Variants in MKLN1 observed in about 807,000 individuals in gnomAD.
MKLN1 encodes muskelin 1, also known as muskelin.
Under a neutral mutation model 99.0 loss-of-function variants are expected in MKLN1, and 18 were observed. The observed-to-expected ratio is 0.18, with a 90% CI of 0.13 to 0.27. The LOEUF (loss-of-function observed/expected upper bound fraction) is 0.27. MKLN1 is among the 10% of genes least tolerant of loss of function. The pLI, the probability that MKLN1 is intolerant of heterozygous loss-of-function variation, is 1.00. For synonymous variants in MKLN1, 288 were observed against 293.2 expected (o/e 0.98, Z 0.18); for missense variants, 621 against 875.9 (o/e 0.71, Z 3.67).
chr7:131,189,146 C>T (rs951782208), intron 2 of MKLN1, among the ~76,000 whole-genome samples: 1 of 152,158 alleles, frequency 6.6e-6, no homozygotes, highest in Non-Finnish European at 1.5e-5. Context: ...AGGCTCAACC[C>T]TAAACAGACC....
chr7:131,449,778 G>A (rs927713185), intron 12 of MKLN1, among the ~76,000 whole-genome samples: 4 of 151,900 alleles, frequency 2.6e-5, no homozygotes, highest in Non-Finnish European at 5.9e-5. Flanking sequence ...ATGCGGCTGG[G>A]ATTGAGAACC....
chr7:131,386,404 A>G (rs1404534585), intron 2 of MKLN1, among the ~76,000 whole-genome samples: 1 of 152,142 alleles, frequency 6.6e-6, no homozygotes, highest in Non-Finnish European at 1.5e-5. Context: ...CAGCAAGTTT[A>G]TTCTTAACCG....
rs1798957916 is a variant in MKLN1, at chr7:131,328,370, C to T, written c.98+373C>T. On this transcript the variant is annotated intron_variant, in intron 1 of 17. Coordinates refer to ENST00000352689, the MANE Select transcript of MKLN1 (RefSeq NM_013255.5). ...GGGCCCTGCCCGCGGGCAAACTACC[C>T]CGAATGTCTGAGGTCGTCCGAGGTG... The T allele has an allele frequency of 1.1e-5, 3 of 265,938 alleles. No individual in the cohort carries two copies. In the South Asian group the frequency reaches 1.6e-4, roughly 14 times the overall value. The allele number at this position is 265,938 out of a possible 1,614,324, so 16.5% of individuals were successfully genotyped here.
chr7:131,152,595 G>A lies in MKLN1; in HGVS notation c.-297+9654G>A, dbSNP rs1456314807. ...GCTCACTGCAACCTCCACCTCCTGG[G>A]GTCAAGCGATTCTCCTGCCTTAGCC... is the stretch of plus-strand genomic sequence containing the variant. On this transcript the variant is annotated intron_variant, in intron 2 of 7. Coordinates refer to the MKLN1 transcript ENST00000416992. Among the ~76,000 whole-genome samples, 3 of 151,206 alleles carry A rather than the reference G, an allele frequency of 2.0e-5. No homozygotes were observed. In the South Asian group the frequency reaches 6.3e-4, roughly 32 times the overall value.
intron 12 of MKLN1, among the ~76,000 whole-genome samples, chr7:131,449,653 T>G (rs1228506157): frequency 6.6e-6 from 1 of 152,116 alleles, no homozygotes; most frequent in Non-Finnish European, 1.5e-5. Flanking sequence ...TTTTTCTGTT[T>G]TTTTTTCCCC....
intron 1 of MKLN1, among the ~76,000 whole-genome samples, chr7:131,119,679 T>A (rs1037965522): frequency 6.6e-6 from 1 of 152,234 alleles, no homozygotes; most frequent in Non-Finnish European, 1.5e-5. Context: ...TCTTGCCTTC[T>A]GTGCACCCAC....
chr7:131,252,837 C>G (rs1240528028), intron 3 of MKLN1, among the ~76,000 whole-genome samples: 1 of 152,118 alleles, frequency 6.6e-6, no homozygotes, highest in African/African-American at 2.4e-5. Flanking sequence ...GAGCCTCTTA[C>G]CAAGTTTTTA....
chr7:131,408,293 A>T (rs1191095830), intron 6 of MKLN1, among the ~76,000 whole-genome samples: 2 of 151,884 alleles, frequency 1.3e-5, no homozygotes, highest in Non-Finnish European at 2.9e-5. Flanking sequence ...TTTTTTTCAG[A>T]ATTTGGACAA....
chr7:131,147,572 C>T (rs1464867515), intron 2 of MKLN1, among the ~76,000 whole-genome samples: 1 of 152,176 alleles, frequency 6.6e-6, no homozygotes. Context: ...TCTAAACCAT[C>T]TTAAGACATT....
intron 3 of MKLN1, among the ~76,000 whole-genome samples, chr7:131,322,518 C>CA (rs1798798756): frequency 6.7e-6 from 1 of 149,562 alleles, no homozygotes; most frequent in African/African-American, 2.5e-5. Context: ...CTTCACAAGG[C>CA]AGTAGGAGAG....
rs573146296 is a variant in MKLN1, at chr7:131,488,893, G to C, written c.*1165G>C. ...AGGTATGGCAGATGGACTTTTCCAT[G>C]GGTCAAATTTTTTGTGTGAGAGATA... is the stretch of plus-strand genomic sequence containing the variant. On this transcript the variant is annotated 3_prime_UTR_variant, in exon 18 of 18. Transcript: ENST00000352689. 1 of 152,146 alleles carries C rather than the reference G, an allele frequency of 6.6e-6. No individual in the cohort carries two copies. Among genetic ancestry groups the C allele is most frequent in the East Asian group, 1.9e-4 (1 of 5,178 alleles). 9.4% of individuals were successfully genotyped at this position (152,146 alleles called of 1,614,324 possible).
intron 12 of MKLN1, among the ~76,000 whole-genome samples, chr7:131,452,700 G>T (rs561842952): frequency 4.7e-4 from 71 of 151,832 alleles, no homozygotes; most frequent in African/African-American, 1.7e-3. Context: ...ACAGGCATGC[G>T]CCACTACGCC....
At chr7:131,277,097 T>C (rs1584885243) in intron 3 of MKLN1, among the ~76,000 whole-genome samples, 1 of 152,156 alleles carries the variant, frequency 6.6e-6, no homozygotes, top group East Asian at 1.9e-4. Flanking sequence ...GTATCTGTAC[T>C]CAATGAAAGC....
In MKLN1 at chr7:131,484,641, A is replaced by C. The variant is rs180678560; in HGVS notation, c.2087-2966A>C. 4.0e-3 allele frequency among the ~76,000 whole-genome samples: 602 copies of C among 152,274 alleles called. 7 individuals carry two copies. Among genetic ancestry groups the C allele is most frequent in the Non-Finnish European group, 4.0e-3 (272 of 68,002 alleles). ...ATTACAGAATCAATATCTTCTTTTA[A>C]AAATATAACACAGCATTGTACTTCT... On this transcript the variant is annotated intron_variant, in intron 17 of 17. Transcript: ENST00000352689.
chr7:131,492,052 G>A lies in MKLN1; in HGVS notation c.*4324G>A, dbSNP rs373711489. On this transcript the variant is annotated 3_prime_UTR_variant, in exon 18 of 18. Coordinates refer to ENST00000352689, the MANE Select transcript of MKLN1 (RefSeq NM_013255.5). The stretch of plus-strand genomic sequence containing the variant: ...ATGTACTTGAGTCATTTTCATTTGG[G>A]GATAGTAATAATGGCTGTGGCAGCT... The A allele has an allele frequency of 1.3e-5, 2 of 152,204 alleles. No individual in the cohort carries two copies. The highest frequency in any genetic ancestry group is 4.1e-4 in the South Asian group (2 of 4,826). 9.4% of individuals were successfully genotyped at this position (152,204 alleles called of 1,614,324 possible). A position where few individuals can be genotyped will look rare whatever the true frequency, so the allele number is the denominator to read the frequency against.
Position 131,235,795 on chromosome 7 carries a change from A to G in MKLN1, c.-179+32821A>G, listed in dbSNP as rs1047327447. 2.6e-5 allele frequency among the ~76,000 whole-genome samples: 4 copies of G among 152,246 alleles called. No homozygotes were observed. The East Asian group carries it at 7.7e-4, about 29-fold the overall frequency. On this transcript the variant is annotated intron_variant, in intron 3 of 7. Coordinates refer to the MKLN1 transcript ENST00000416992. ...TTTTAACCATTGGTGCCCCGCTGCT[A>G]CCTTAGGCACATACTTATTATCAGC...
intron 3 of MKLN1, among the ~76,000 whole-genome samples, chr7:131,258,658 T>C (rs184789723): frequency 1.1e-3 from 166 of 152,342 alleles, no homozygotes; most frequent in Non-Finnish European, 2.0e-3. Flanking sequence ...ATTTTGGGTA[T>C]GGGAAGCCAT....
intron 2 of MKLN1, among the ~76,000 whole-genome samples, chr7:131,160,594 C>T (rs1462175866): frequency 6.7e-6 from 1 of 149,890 alleles, no homozygotes; most frequent in East Asian, 1.9e-4. Flanking sequence ...TCTTGGCTTA[C>T]TGCAACCTCT....
At chr7:131,449,079 CATTT>C (rs967791063) in intron 12 of MKLN1, among the ~76,000 whole-genome samples, 1 of 152,162 alleles carries the variant, frequency 6.6e-6, no homozygotes, top group Non-Finnish European at 1.5e-5. Context: ...AGGGAAGTCT[CATTT>C]AAACAGAGTA....
Sources: allele counts gnomAD v4.1 joint callset (sites outside exome capture counted in the v4.1 genomes callset), GRCh38; gene constraint gnomAD v4.1.1; transcripts MANE v1.5; gene names NCBI Gene and HGNC (gene_info 2026-07-23, HGNC 2026-07-21).